USP53: variants seen among roughly 807,000 people sequenced by gnomAD.
The protein encoded by USP53 is ubiquitin specific peptidase 53.
Under a neutral mutation model 94.9 loss-of-function variants are expected in USP53, and 71 were observed. That is an observed-to-expected ratio of 0.75 (90% confidence interval 0.62 to 0.91). The LOEUF is 0.91. Among genes scored for constraint, USP53 ranks in the 40% least tolerant of loss-of-function variants. USP53 has a pLI of 0.00. For synonymous variants in USP53, 375 were observed against 422.7 expected, an observed-to-expected ratio of 0.89 and a Z score of 1.39; for missense variants, 1,173 against 1,281.0, an observed-to-expected ratio of 0.92 and a Z score of 1.29.
At chr4:119,223,025 C>G (rs1282898603) in intron 3 of USP53, among the ~76,000 whole-genome samples, 2 of 152,066 alleles carry the variant, frequency 1.3e-5, no homozygotes. Flanking sequence ...ACCAGTAAAT[C>G]TGAATTTTCA....
At chr4:119,279,712 T>C (rs1340315778) in intron 17 of USP53, among the ~76,000 whole-genome samples, 1 of 152,184 alleles carries the variant, frequency 6.6e-6, no homozygotes, top group East Asian at 1.9e-4. Context: ...CGCTGTCGCC[T>C]TGCAGTTTGA....
intron 12 of USP53, among the ~76,000 whole-genome samples, chr4:119,264,414 A>T (rs1027537034): frequency 5.9e-5 from 9 of 152,212 alleles, no homozygotes; most frequent in African/African-American, 2.2e-4. Flanking sequence ...AGATACTATT[A>T]GGAGAATAAA....
intron 3 of USP53, among the ~76,000 whole-genome samples, chr4:119,225,159 A>G (rs1178848445): frequency 6.6e-6 from 1 of 152,214 alleles, no homozygotes; most frequent in East Asian, 1.9e-4. Context: ...AATACAGAGT[A>G]TTGTGAATTT....
Position 119,239,455 on chromosome 4 carries a change from A to T in USP53, c.-305A>T, listed in dbSNP as rs1388378599. 3 of 344,632 alleles carry T rather than the reference A, an allele frequency of 8.7e-6. No homozygotes were observed. The highest frequency in any genetic ancestry group is 1.6e-5 in the Non-Finnish European group (3 of 193,450). The allele number at this position is 344,632 out of a possible 1,614,324, so 21.3% of individuals were successfully genotyped here. On this transcript the variant is annotated 5_prime_UTR_variant, in exon 5 of 19. Transcript: ENST00000692078. ...ATCAGTATTTTTAGCCATTAAAAAAAATCGTTTTCATATTAACCTTATACA... is the reference window on the plus strand; with the variant it reads ...ATCAGTATTTTTAGCCATTAAAAAATATCGTTTTCATATTAACCTTATACA...
chr4:119,228,463 T>G (rs770371493), intron 3 of USP53, among the ~76,000 whole-genome samples: 19 of 152,202 alleles, frequency 1.2e-4, no homozygotes, highest in Non-Finnish European at 2.5e-4. Flanking sequence ...ATCGCCATAT[T>G]TTTAGGTCAA....
chr4:119,294,976 A>G lies in USP53; in HGVS notation c.*1765A>G, dbSNP rs527487966. 4.6e-5 allele frequency: 7 copies of G among 152,166 alleles called. No individual in the cohort carries two copies. The highest frequency in any genetic ancestry group is 1.2e-4 in the African/African-American group (5 of 41,572). 9.4% of individuals were successfully genotyped at this position (152,166 alleles called of 1,614,324 possible). ...AAAATACCAAAGTTTTTCTTCTTTTATAACATTGTAAGATACTAGAAAAAT... is the reference window on the plus strand; with the variant it reads ...AAAATACCAAAGTTTTTCTTCTTTTGTAACATTGTAAGATACTAGAAAAAT... On this transcript the variant is annotated 3_prime_UTR_variant, in exon 19 of 19. Coordinates refer to ENST00000692078, the MANE Select transcript of USP53 (RefSeq NM_001371395.1).
chr4:119,213,660 A>ATATATATATGTGTGTGTGTGTGTGTGTG, intron 1 of USP53, among the ~76,000 whole-genome samples: 37 of 117,764 alleles, frequency 3.1e-4, no homozygotes, highest in African/African-American at 5.8e-4. Context: ...ATATATATAT[A>ATATATATATGTGTGTGTGTGTGTGTGTG]TGTGTGTGTG....
chr4:119,279,442 G>A (rs551062661), intron 17 of USP53, among the ~76,000 whole-genome samples: 1 of 149,840 alleles, frequency 6.7e-6, no homozygotes, highest in East Asian at 2.0e-4. Context: ...CCCACTTGAG[G>A]AGGCAGTCTG....
intron 9 of USP53, among the ~76,000 whole-genome samples, chr4:119,259,056 G>A (rs1750135412): frequency 2.6e-5 from 4 of 152,090 alleles, no homozygotes. Flanking sequence ...CGAGGTGGTT[G>A]GATCACTTGA....
At chr4:119,284,619 CT>C (rs1292153387) in intron 17 of USP53, among the ~76,000 whole-genome samples, 1 of 151,728 alleles carries the variant, frequency 6.6e-6, no homozygotes, top group African/African-American at 2.4e-5. Context: ...CTTTTTAAAT[CT>C]TTCAACTTTT....
intron 3 of USP53, among the ~76,000 whole-genome samples, chr4:119,228,559 G>T (rs1317447754): frequency 6.6e-6 from 1 of 152,142 alleles, no homozygotes; most frequent in South Asian, 2.1e-4. Context: ...TGGGGATGGG[G>T]GTGTGGGTGC....
chr4:119,268,028 G>A (rs980087449), intron 13 of USP53, among the ~76,000 whole-genome samples: 3 of 152,034 alleles, frequency 2.0e-5, no homozygotes, highest in African/African-American at 7.2e-5. Context: ...TTGGCCGGGC[G>A]CGGTGGCGGG....
intron 17 of USP53, among the ~76,000 whole-genome samples, chr4:119,287,140 T>G (rs1043143647): frequency 6.6e-6 from 1 of 152,030 alleles, no homozygotes; most frequent in Non-Finnish European, 1.5e-5. Flanking sequence ...AGGCAATTGT[T>G]TATTCTGCAG....
In USP53 at chr4:119,259,936, T is replaced by G; in HGVS notation, c.675+11T>G. ...TATAGGAAATGTCCTGTAAGTATAG[T>G]TTGGAGAATATTAGTATGCTTCTTG... On this transcript the variant is annotated intron_variant, in intron 10 of 18. Coordinates refer to ENST00000692078, the MANE Select transcript of USP53 (RefSeq NM_001371395.1). 4.4e-6 allele frequency: 7 copies of G among 1,585,610 alleles called. No homozygotes were observed. Among genetic ancestry groups the G allele is most frequent in the Non-Finnish European group, 6.0e-6 (7 of 1,163,204 alleles).
At chr4:119,253,790 G>A (rs1369839921) in intron 7 of USP53, among the ~76,000 whole-genome samples, 1 of 147,904 alleles carries the variant, frequency 6.8e-6, no homozygotes, top group Non-Finnish European at 1.5e-5. Context: ...TTGCCTGTTA[G>A]TTGATGCAGT....
Position 119,261,846 on chromosome 4 carries a change from T to C in USP53, c.954T>C (p.Asp318=), listed in dbSNP as rs758381136. 4.1e-6 allele frequency: 6 copies of C among 1,477,118 alleles called. No homozygotes were observed. Among genetic ancestry groups the C allele is most frequent in the Admixed American group, 1.9e-5 (1 of 52,798 alleles). The allele number at this position is 1,477,118 out of a possible 1,614,324, so 91.5% of individuals were successfully genotyped here. ...AAAGTTCCAAATGGGTATTTTTTGA[T>C]GATGCAAATGTGAAAGAGGTAAGTG... ...HTKSSKWVFF[D]DANVKEIGTR... is the part of the protein sequence containing the mutation. Residue 318 remains aspartate (D), a synonymous_variant, in exon 12 of 19, where the codon GAT becomes GAC. Coordinates refer to ENST00000692078, the MANE Select transcript of USP53 (RefSeq NM_001371395.1).
chr4:119,274,547 C>T (rs541076267), intron 17 of USP53, among the ~76,000 whole-genome samples: 3 of 152,080 alleles, frequency 2.0e-5, no homozygotes, highest in African/African-American at 7.2e-5. Context: ...AATAATGCCG[C>T]AATAAACATA....
intron 14 of USP53, 51 bp downstream of exon 14, chr4:119,268,471 T>C (rs766574138): frequency 1.3e-6 from 2 of 1,489,004 alleles, no homozygotes; most frequent in Non-Finnish European, 1.8e-6. Flanking sequence ...GTGTCCTCCT[T>C]TCTTCACTTA....
intron 3 of USP53, among the ~76,000 whole-genome samples, chr4:119,227,882 T>C (rs1404091646): frequency 6.6e-6 from 1 of 152,134 alleles, no homozygotes; most frequent in African/African-American, 2.4e-5. Context: ...AAAAGAATAT[T>C]ACTCAGTAAT....
Sources: allele counts gnomAD v4.1 joint callset (sites outside exome capture counted in the v4.1 genomes callset), GRCh38; gene constraint gnomAD v4.1.1; transcripts MANE v1.5; gene names NCBI Gene and HGNC (gene_info 2026-07-23, HGNC 2026-07-21).